FRMD4A: variants seen among roughly 807,000 people sequenced by gnomAD.
FRMD4A encodes FERM domain containing 4A.
Under a neutral mutation model 129.1 loss-of-function variants are expected in FRMD4A, and 29 were observed. That is an observed-to-expected ratio of 0.22 (90% CI 0.17 to 0.31). The LOEUF is 0.31. Among genes scored for constraint, FRMD4A ranks in the 10% least tolerant of loss-of-function variants. The pLI, the probability that FRMD4A is intolerant of heterozygous loss-of-function variation, is 1.00. For synonymous variants in FRMD4A, 634 were observed against 571.6 expected, an observed-to-expected ratio of 1.11 and a Z score of -1.56; for missense variants, 1,272 against 1,375.8, an observed-to-expected ratio of 0.92 and a Z score of 1.19.
intron 2 of FRMD4A, among the ~76,000 whole-genome samples, chr10:13,995,640 G>C (rs1378769443): frequency 6.6e-6 from 1 of 152,190 alleles, no homozygotes; most frequent in Non-Finnish European, 1.5e-5. Context: ...AAAGCCATAG[G>C]ATCTAGGTAT....
chr10:13,856,217 AGTGTGTGTGTGTGTGTGTGTGTGTGTGT>A (rs36225405), intron 3 of FRMD4A, among the ~76,000 whole-genome samples: 2 of 145,900 alleles, frequency 1.4e-5, no homozygotes, highest in Admixed American at 7.0e-5. Flanking sequence ...ATTTTGTGCA[AGTGTGTGTGTGTGTGTGTGTGTGTGTGT>A]GTGTGTGTGT....
chr10:13,804,724 T>C (rs2130857306), intron 4 of FRMD4A, among the ~76,000 whole-genome samples: 1 of 150,260 alleles, frequency 6.7e-6, no homozygotes, highest in Admixed American at 6.6e-5. Flanking sequence ...CTTTTTTTTT[T>C]TTTTTTTGTA....
chr10:14,239,647 AC>A (rs1564409719), intron 2 of FRMD4A, among the ~76,000 whole-genome samples: 6 of 120,832 alleles, frequency 5.0e-5, no homozygotes, highest in Admixed American at 1.7e-4. Flanking sequence ...AAACAAACAA[AC>A]AAACAAAAAA....
rs1589051457 is a variant in FRMD4A at position 14,135,763 on chromosome 10, T to C, written c.45+194295A>G. Among the ~76,000 whole-genome samples the C allele has an allele frequency of 2.0e-5, 3 of 152,218 alleles. No homozygotes were observed. In the East Asian group the frequency reaches 5.8e-4, roughly 29 times the overall value. ...TATCAAAAACCAAATTAAACTATGA[T>C]GCCTGATTCCACTTATGGAATATAA... is the stretch of plus-strand genomic sequence containing the variant. On this transcript the variant is annotated intron_variant, in intron 2 of 24. Coordinates refer to ENST00000357447, the MANE Select transcript of FRMD4A (RefSeq NM_018027.5).
At chr10:13,837,131 C>T (rs2093889286) in intron 3 of FRMD4A, among the ~76,000 whole-genome samples, 1 of 152,164 alleles carries the variant, frequency 6.6e-6, no homozygotes, top group Non-Finnish European at 1.5e-5. Flanking sequence ...TGAGGCATTT[C>T]CCAAACTTAC....
At chr10:14,097,552 A>G (rs1837043374) in intron 2 of FRMD4A, among the ~76,000 whole-genome samples, 2 of 152,152 alleles carry the variant, frequency 1.3e-5, no homozygotes, top group African/African-American at 2.4e-5. Context: ...TTCAACAGCT[A>G]ACATAGGACA....
intron 2 of FRMD4A, among the ~76,000 whole-genome samples, chr10:13,912,751 G>T (rs1008519508): frequency 1.5e-4 from 23 of 151,788 alleles, no homozygotes; most frequent in African/African-American, 5.1e-4. Flanking sequence ...GGATGGTCTC[G>T]ATCTCCTGAC....
chr10:14,266,800 T>C (rs1177156940), intron 2 of FRMD4A, among the ~76,000 whole-genome samples: 1 of 152,226 alleles, frequency 6.6e-6, no homozygotes, highest in East Asian at 1.9e-4. Context: ...ATAAATTATA[T>C]CCTTTTACTA....
At chr10:13,796,630 G>T in intron 4 of FRMD4A, 42 bp from the exon 5 acceptor site, 1 of 1,106,862 alleles carries the variant, frequency 9.0e-7, no homozygotes, top group South Asian at 1.2e-5. Flanking sequence ...TTTGCATTTT[G>T]CAGAAGTTTT....
At chr10:14,221,346 G>A (rs1314031692) in intron 2 of FRMD4A, among the ~76,000 whole-genome samples, 1 of 152,188 alleles carries the variant, frequency 6.6e-6, no homozygotes, top group Non-Finnish European at 1.5e-5. Context: ...GCCAAGGGGA[G>A]AGCATTGGTG....
rs534155755 is a variant in FRMD4A, at chr10:14,217,850, A to T, written c.45+112208T>A. 6.0e-5 allele frequency among the ~76,000 whole-genome samples: 9 copies of T among 150,434 alleles called. No homozygotes were observed. The East Asian group carries it at 1.6e-3, about 26-fold the overall frequency. ...TCTCTCTCTTTTTTTTTTTGCTTTG[A>T]GACAGAGTCTCACTCTGTCATCCAG... On this transcript the variant is annotated intron_variant, in intron 2 of 24. Coordinates refer to ENST00000357447, the MANE Select transcript of FRMD4A (RefSeq NM_018027.5).
chr10:14,203,741 G>A (rs1842704397), intron 2 of FRMD4A, among the ~76,000 whole-genome samples: 1 of 152,190 alleles, frequency 6.6e-6, no homozygotes, highest in Admixed American at 6.5e-5. Flanking sequence ...GCATCTATTG[G>A]GAGGGGAATT....
chr10:13,887,306 C>T (rs944647864), intron 2 of FRMD4A, among the ~76,000 whole-genome samples: 4 of 152,212 alleles, frequency 2.6e-5, no homozygotes, highest in African/African-American at 9.6e-5. Flanking sequence ...GACTTTTATT[C>T]TTAGCAGTGA....
chr10:13,770,515 T>A (rs772635285), intron 6 of FRMD4A, among the ~76,000 whole-genome samples: 4 of 152,120 alleles, frequency 2.6e-5, no homozygotes, highest in Non-Finnish European at 2.9e-5. Flanking sequence ...ACCATCATAG[T>A]TCACTGCAGC....
At chr10:14,094,919 TTG>T (rs1836867273) in intron 2 of FRMD4A, among the ~76,000 whole-genome samples, 1 of 152,084 alleles carries the variant, frequency 6.6e-6, no homozygotes, top group East Asian at 1.9e-4. Context: ...ATGTGTATGC[TTG>T]TGTGTGCCCA....
chr10:14,313,163 G>T (rs996176167), intron 2 of FRMD4A, among the ~76,000 whole-genome samples: 2 of 150,966 alleles, frequency 1.3e-5, no homozygotes, highest in East Asian at 3.9e-4. Flanking sequence ...GACCAGCTTG[G>T]GCAATATAGT....
At chr10:14,198,342 G>A (rs1019725819) in intron 2 of FRMD4A, among the ~76,000 whole-genome samples, 7 of 152,200 alleles carry the variant, frequency 4.6e-5, no homozygotes, top group African/African-American at 1.7e-4. Context: ...GGGATGTTGA[G>A]GCAACTGCCA....
At chr10:13,777,997 C>T (rs1336296569) in intron 6 of FRMD4A, among the ~76,000 whole-genome samples, 2 of 151,702 alleles carry the variant, frequency 1.3e-5, no homozygotes, top group African/African-American at 4.8e-5. Context: ...GAGATGGCAT[C>T]TCACCATGTT....
chr10:14,120,727 C>A (rs1406880340), intron 2 of FRMD4A, among the ~76,000 whole-genome samples: 1 of 152,154 alleles, frequency 6.6e-6, no homozygotes, highest in African/African-American at 2.4e-5. Flanking sequence ...GCCCTCCCTG[C>A]TGCTTTGATT....
Sources: gnomAD v4.1 joint callset for allele counts (sites outside exome capture counted in the v4.1 genomes callset) on GRCh38, gnomAD v4.1.1 for gene constraint, MANE v1.5 for transcripts, NCBI Gene and HGNC (gene_info 2026-07-23, HGNC 2026-07-21) for gene names.